NOS1AP: variants seen among roughly 807,000 people sequenced by gnomAD.
NOS1AP encodes nitric oxide synthase 1 adaptor protein, also known as carboxyl-terminal PDZ ligand of neuronal nitric oxide synthase protein.
In NOS1AP, 21 loss-of-function variants were observed where a neutral mutation model predicts 56.2. The ratio of observed to expected loss-of-function variants is 0.37; its 90% CI spans 0.26 to 0.54. The LOEUF is 0.54. Among genes scored for constraint, NOS1AP ranks in the 20% least tolerant of loss-of-function variants. The pLI is 0.84. For synonymous variants in NOS1AP, 270 were observed against 274.6 expected (o/e 0.98, Z 0.17); for missense variants, 522 against 657.8 (o/e 0.79, Z 2.26).
At chr1:162,095,727 C>T (rs772512135) in intron 1 of NOS1AP, among the ~76,000 whole-genome samples, 3 of 152,132 alleles carry the variant, frequency 2.0e-5, no homozygotes, top group East Asian at 1.9e-4. Context: ...TGGAGACCTA[C>T]GTTTTAGTAC....
intron 2 of NOS1AP, among the ~76,000 whole-genome samples, chr1:162,158,818 C>T (rs1650078720): frequency 6.6e-6 from 1 of 152,178 alleles, no homozygotes; most frequent in African/African-American, 2.4e-5. Context: ...GGATGGTTGT[C>T]CTGCTCGCTC....
intron 1 of NOS1AP, among the ~76,000 whole-genome samples, chr1:162,124,662 C>T (rs2102056049): frequency 6.6e-6 from 1 of 152,212 alleles, no homozygotes; most frequent in East Asian, 1.9e-4. Flanking sequence ...GCTGGGATTA[C>T]AGGCGCCCGC....
intron 6 of NOS1AP, among the ~76,000 whole-genome samples, chr1:162,354,402 G>A (rs28680517): frequency 0.028 from 4,246 of 152,310 alleles, 196 homozygotes; most frequent in African/African-American, 0.097. Context: ...AAGATAAGTA[G>A]GAAATAGCAG....
intron 2 of NOS1AP, among the ~76,000 whole-genome samples, chr1:162,164,547 T>G (rs1201737205): frequency 6.6e-6 from 1 of 152,210 alleles, no homozygotes; most frequent in Non-Finnish European, 1.5e-5. Flanking sequence ...TGGTAACCTC[T>G]GTTCCATCCT....
chr1:162,240,739 A>T (rs1571153649), intron 2 of NOS1AP, among the ~76,000 whole-genome samples: 1 of 152,242 alleles, frequency 6.6e-6, no homozygotes, highest in African/African-American at 2.4e-5. Context: ...TCATTTCTTC[A>T]TGGTCCATTC....
In NOS1AP at chr1:162,368,695, A is replaced by G. The variant is rs164148; in HGVS notation, c.*1228A>G. On this transcript the variant is annotated 3_prime_UTR_variant, in exon 10 of 10. Transcript: ENST00000361897. ...TACTCCTTAACGGGCTGGCTGGGGC[A>G]ATGAGGAAAAGCTCCTTTGCTCCTG... 0.76 allele frequency: 115,666 copies of G among 152,210 alleles called. 45,648 individuals carry two copies. The highest frequency in any genetic ancestry group is 0.86 in the Non-Finnish European group (58,217 of 68,034). The allele number at this position is 152,210 out of a possible 1,614,324, so 9.4% of individuals were successfully genotyped here.
chr1:162,070,355 A>G (rs1250121276), intron 1 of NOS1AP, 73 bp downstream of exon 1: 1 of 1,286,970 alleles, frequency 7.8e-7, no homozygotes. Context: ...TGGGATGCAC[A>G]GCCGTCCTGG....
intron 4 of NOS1AP, among the ~76,000 whole-genome samples, chr1:162,328,980 A>G (rs190917721): frequency 1.3e-5 from 2 of 152,232 alleles, no homozygotes; most frequent in African/African-American, 4.8e-5. Context: ...GAGTTTACCT[A>G]TAGATGAATA....
intron 2 of NOS1AP, among the ~76,000 whole-genome samples, chr1:162,230,317 G>A (rs893560572): frequency 6.6e-6 from 1 of 152,184 alleles, no homozygotes; most frequent in African/African-American, 2.4e-5. Context: ...AAGAACAAAA[G>A]CACTAGAACC....
intron 1 of NOS1AP, among the ~76,000 whole-genome samples, chr1:162,094,453 C>T (rs1268037906): frequency 1.3e-5 from 2 of 152,124 alleles, no homozygotes; most frequent in Non-Finnish European, 2.9e-5. Flanking sequence ...CTGGAGCCCA[C>T]AAAACCCGTA....
intron 1 of NOS1AP, among the ~76,000 whole-genome samples, chr1:162,152,315 G>A (rs1456757324): frequency 6.6e-6 from 1 of 152,172 alleles, no homozygotes; most frequent in Non-Finnish European, 1.5e-5. Flanking sequence ...TCATGTGATG[G>A]CTGAGGGAAC....
At position 162,086,901 on chromosome 1, in the gene NOS1AP, G is replaced by A. The variant is rs12023540; in HGVS notation, c.105+16619G>A. Among the ~76,000 whole-genome samples the A allele has an allele frequency of 2.0e-5, 3 of 152,248 alleles. No individual in the cohort carries two copies. In the East Asian group the frequency reaches 5.8e-4, roughly 29 times the overall value. On this transcript the variant is annotated intron_variant, in intron 1 of 9. Transcript: ENST00000361897. ...GGCTTTGTAGTTGTAGGCATAGGAT[G>A]CATACAACAACTCCACGCTCATCTT...
In NOS1AP at chr1:162,209,262, A is replaced by G. The variant is rs76892386; in HGVS notation, c.177+54786A>G. 1.1e-3 allele frequency among the ~76,000 whole-genome samples: 162 copies of G among 152,300 alleles called. 1 individual carries two copies. Among genetic ancestry groups the G allele is most frequent in the East Asian group, 8.7e-3 (45 of 5,172 alleles). ...GGGATGGGCACCAGTGTAGGGCCCA[A>G]GTGTCTCAGGGACTGTCTCACATGT... On this transcript the variant is annotated intron_variant, in intron 2 of 9. Coordinates refer to ENST00000361897, the MANE Select transcript of NOS1AP (RefSeq NM_014697.3).
intron 2 of NOS1AP, among the ~76,000 whole-genome samples, chr1:162,196,921 C>G (rs888317477): frequency 6.6e-6 from 1 of 152,056 alleles, no homozygotes; most frequent in Non-Finnish European, 1.5e-5. Context: ...TTTTTCATGC[C>G]CATTCCTTCT....
intron 2 of NOS1AP, among the ~76,000 whole-genome samples, chr1:162,286,004 C>A (rs918088857): frequency 2.6e-5 from 4 of 152,034 alleles, no homozygotes; most frequent in African/African-American, 9.7e-5. Flanking sequence ...AAACAGATAG[C>A]CAAGAAGTAT....
chr1:162,230,633 A>G (rs528057530), intron 2 of NOS1AP, among the ~76,000 whole-genome samples: 10 of 152,320 alleles, frequency 6.6e-5, no homozygotes, highest in Admixed American at 1.3e-4. Context: ...CTCTACACCC[A>G]TTAAACAACA....
intron 3 of NOS1AP, among the ~76,000 whole-genome samples, chr1:162,295,953 C>T (rs1028804906): frequency 1.4e-4 from 21 of 150,684 alleles, no homozygotes; most frequent in African/African-American, 7.3e-5. Context: ...TTCTAAAGTT[C>T]TTGGACTATC....
At chr1:162,266,145 GAA>G (rs1210136110) in intron 2 of NOS1AP, among the ~76,000 whole-genome samples, 3 of 152,154 alleles carry the variant, frequency 2.0e-5, no homozygotes, top group African/African-American at 4.8e-5. Flanking sequence ...GCTGTGAAAC[GAA>G]GTTATTCTGG....
intron 1 of NOS1AP, among the ~76,000 whole-genome samples, chr1:162,098,867 T>G (rs996886086): frequency 3.9e-5 from 6 of 152,252 alleles, no homozygotes; most frequent in Non-Finnish European, 7.3e-5. Context: ...GGCTGCATAG[T>G]ATCCCATGGT....
Sources: allele counts gnomAD v4.1 joint callset (sites outside exome capture counted in the v4.1 genomes callset), GRCh38; gene constraint gnomAD v4.1.1; transcripts MANE v1.5; gene names NCBI Gene and HGNC (gene_info 2026-07-23, HGNC 2026-07-21).